Variants in RBM47 observed in about 807,000 individuals in gnomAD.
RBM47 encodes RNA-binding protein 47.
RBM47 carries 21 observed loss-of-function variants against 47.1 expected under a neutral mutation model. That is an observed-to-expected ratio of 0.45 (90% CI 0.32 to 0.64). The LOEUF is 0.64. RBM47 is among the 30% of genes least tolerant of loss of function. RBM47 has a pLI of 0.05. For synonymous variants in RBM47, 375 were observed against 361.7 expected, an observed-to-expected ratio of 1.04 and a Z score of -0.42; for missense variants, 708 against 870.9, an observed-to-expected ratio of 0.81 and a Z score of 2.35.
chr4:40,487,076 T>C (rs935714100), intron 2 of RBM47, among the ~76,000 whole-genome samples: 3 of 152,312 alleles, frequency 2.0e-5, no homozygotes, highest in African/African-American at 7.2e-5. Flanking sequence ...AATTATTCTC[T>C]GTGCTCCCCC....
chr4:40,482,795 T>C (rs1042289306), intron 2 of RBM47, among the ~76,000 whole-genome samples: 1 of 152,202 alleles, frequency 6.6e-6, no homozygotes, highest in African/African-American at 2.4e-5. Flanking sequence ...AGCAAGTAAC[T>C]AAATGAGTTA....
At chr4:40,490,683 G>A (rs560453390) in intron 2 of RBM47, among the ~76,000 whole-genome samples, 12 of 151,936 alleles carry the variant, frequency 7.9e-5, no homozygotes, top group East Asian at 1.9e-4. Flanking sequence ...CCCGGGAGGC[G>A]GAGGTTGCAG....
Position 40,609,474 on chromosome 4 carries a change from G to A in RBM47, c.-240+19922C>T, listed in dbSNP as rs1031416570. Among the ~76,000 whole-genome samples the A allele has an allele frequency of 5.3e-5, 8 of 151,096 alleles. No individual in the cohort carries two copies. The East Asian group carries it at 9.9e-4, about 19-fold the overall frequency. On this transcript the variant is annotated intron_variant, in intron 1 of 6. Coordinates refer to ENST00000295971, the MANE Select transcript of RBM47 (RefSeq NM_001098634.2). ...ATTACAGGCACCCGCCACCACGCCC[G>A]GCTAATTTTTGTATTTTTAGTAGAG... is the stretch of plus-strand genomic sequence containing the variant.
chr4:40,568,864 C>A (rs1441709440), intron 1 of RBM47, among the ~76,000 whole-genome samples: 2 of 151,724 alleles, frequency 1.3e-5, no homozygotes, highest in Non-Finnish European at 2.9e-5. Context: ...GCCTGTAGTC[C>A]CAGCTACTCG....
intron 1 of RBM47, among the ~76,000 whole-genome samples, chr4:40,604,842 G>A (rs939408732): frequency 1.3e-5 from 2 of 151,616 alleles, no homozygotes; most frequent in Admixed American, 6.6e-5. Flanking sequence ...TCAGCCTCCT[G>A]AGTTGCTGGG....
chr4:40,604,937 G>A (rs1437434996), intron 1 of RBM47, among the ~76,000 whole-genome samples: 7 of 149,004 alleles, frequency 4.7e-5, no homozygotes, highest in South Asian at 4.3e-4. Context: ...GGCTGGCCTC[G>A]AACTCCTGAC....
chr4:40,617,708 T>C (rs2154280624), intron 1 of RBM47, among the ~76,000 whole-genome samples: 2 of 150,846 alleles, frequency 1.3e-5, no homozygotes, highest in East Asian at 3.9e-4. Context: ...AATATAAATA[T>C]TAAAATTTTG....
chr4:40,520,008 C>G (rs946545962), intron 2 of RBM47, among the ~76,000 whole-genome samples: 1 of 151,812 alleles, frequency 6.6e-6, no homozygotes, highest in African/African-American at 2.4e-5. Context: ...ATCTCTACTG[C>G]TCACTTTGAA....
chr4:40,431,754 A>C (rs200129995), intron 6 of RBM47, among the ~76,000 whole-genome samples: 3 of 151,650 alleles, frequency 2.0e-5, no homozygotes, highest in Admixed American at 1.3e-4. Context: ...TACACTATGA[A>C]AAAGGTGGGG....
At chr4:40,548,415 G>A (rs1038674306) in intron 1 of RBM47, among the ~76,000 whole-genome samples, 15 of 152,186 alleles carry the variant, frequency 9.9e-5, no homozygotes, top group African/African-American at 2.7e-4. Flanking sequence ...GGGAGCCATC[G>A]GAGAATTTTA....
At chr4:40,448,865 A>C (rs1714958840) in intron 3 of RBM47, among the ~76,000 whole-genome samples, 1 of 152,248 alleles carries the variant, frequency 6.6e-6, no homozygotes, top group Non-Finnish European at 1.5e-5. Context: ...CATGGTTTAC[A>C]GAAAAATTAT....
intron 1 of RBM47, among the ~76,000 whole-genome samples, chr4:40,595,008 A>G (rs899390217): frequency 2.6e-5 from 4 of 152,202 alleles, no homozygotes; most frequent in Non-Finnish European, 5.9e-5. Flanking sequence ...TTCTTTGCTA[A>G]GAGAGCTCCA....
At chr4:40,463,275 C>T (rs1717442202) in intron 3 of RBM47, among the ~76,000 whole-genome samples, 1 of 152,162 alleles carries the variant, frequency 6.6e-6, no homozygotes. Context: ...TGAGAAGATG[C>T]TCAACATCAT....
At chr4:40,486,787 T>C (rs1406306938) in intron 2 of RBM47, among the ~76,000 whole-genome samples, 1 of 152,244 alleles carries the variant, frequency 6.6e-6, no homozygotes, top group Non-Finnish European at 1.5e-5. Context: ...CATGTAACTA[T>C]GATTCAACAG....
At chr4:40,583,600 T>C (rs1287851761) in intron 1 of RBM47, among the ~76,000 whole-genome samples, 1 of 151,912 alleles carries the variant, frequency 6.6e-6, no homozygotes, top group East Asian at 1.9e-4. Flanking sequence ...GGCTCATGGC[T>C]GTAATCCCAG....
At chr4:40,595,609 C>T (rs570652639) in intron 1 of RBM47, among the ~76,000 whole-genome samples, 7 of 151,822 alleles carry the variant, frequency 4.6e-5, no homozygotes, top group East Asian at 1.9e-4. Flanking sequence ...AAGATCAGGC[C>T]GGGTGCTGTG....
chr4:40,494,721 T>G, intron 2 of RBM47, among the ~76,000 whole-genome samples: 1 of 152,104 alleles, frequency 6.6e-6, no homozygotes, highest in Non-Finnish European at 1.5e-5. Context: ...CAGGGACAGG[T>G]ACAGGTGTGG....
chr4:40,528,297 T>A (rs1438041782), intron 2 of RBM47, among the ~76,000 whole-genome samples: 1 of 152,024 alleles, frequency 6.6e-6, no homozygotes, highest in Non-Finnish European at 1.5e-5. Context: ...TAGTCCCAGC[T>A]ACTTGGGAGG....
At chr4:40,623,938 G>A (rs1737498561) in intron 1 of RBM47, among the ~76,000 whole-genome samples, 2 of 151,682 alleles carry the variant, frequency 1.3e-5, no homozygotes, top group East Asian at 1.9e-4. Context: ...TGCTACCTCC[G>A]CCTCCCGATC....
Sources: gnomAD v4.1 joint callset for allele counts (sites outside exome capture counted in the v4.1 genomes callset) on GRCh38, gnomAD v4.1.1 for gene constraint, MANE v1.5 for transcripts, NCBI Gene and HGNC (gene_info 2026-07-23, HGNC 2026-07-21) for gene names.